SHB: variants seen among roughly 807,000 people sequenced by gnomAD.
SHB encodes the protein SH2 domain containing adaptor protein B, also known as SH2 domain-containing adapter protein B.
In SHB, 20 loss-of-function variants were observed where a neutral mutation model predicts 52.3. That is an observed-to-expected ratio of 0.38 (90% CI 0.27 to 0.56). SHB has a LOEUF of 0.56. Among genes scored for constraint, SHB ranks in the 20% least tolerant of loss-of-function variants. The pLI is 0.71. For missense variants in SHB, 825 were observed against 723.3 expected (o/e 1.14, Z -1.61); for synonymous variants, 397 against 316.5 (o/e 1.25, Z -2.70).
chr9:38,032,016 C>T (rs574079265), intron 1 of SHB, among the ~76,000 whole-genome samples: 9 of 152,204 alleles, frequency 5.9e-5, no homozygotes, highest in East Asian at 5.8e-4. Context: ...GACCTGGGAC[C>T]GGGCAGGACT....
chr9:38,003,908 G>A (rs1233426573), intron 2 of SHB, among the ~76,000 whole-genome samples: 1 of 152,230 alleles, frequency 6.6e-6, no homozygotes, highest in African/African-American at 2.4e-5. Context: ...TGTGTGGGGT[G>A]GTGAGGCTGT....
At chr9:38,023,837 C>T (rs887175064) in intron 1 of SHB, among the ~76,000 whole-genome samples, 1 of 152,136 alleles carries the variant, frequency 6.6e-6, no homozygotes, top group African/African-American at 2.4e-5. Context: ...CAGGCTGTTA[C>T]ACCACTCAGG....
In SHB at chr9:38,067,989, T is replaced by C. The variant is rs772129078; in HGVS notation, c.657A>G (p.Lys219=). The C allele has an allele frequency of 6.5e-7, 1 of 1,545,718 alleles. No individual in the cohort carries two copies. Among genetic ancestry groups the C allele is most frequent in the South Asian group, 1.2e-5 (1 of 84,356 alleles). ...TWSPTACGGK[K]LLNKCAASAA... ...CTGAGGCGGCGCACTTGTTGAGCAG[T>C]TTCTTGCCTCCGCAGGCCGTCGGGC... Residue 219 remains lysine, a synonymous_variant, in exon 1 of 6, where the codon AAA becomes AAG. Coordinates refer to ENST00000377707, the MANE Select transcript of SHB (RefSeq NM_003028.3).
At chr9:37,991,393 G>A (rs1820880265) in intron 2 of SHB, among the ~76,000 whole-genome samples, 1 of 152,194 alleles carries the variant, frequency 6.6e-6, no homozygotes, top group Non-Finnish European at 1.5e-5. Context: ...CCAGTGAAAT[G>A]GGCTTCTGCA....
At chr9:37,921,361 C>G (rs778050648) in intron 5 of SHB, among the ~76,000 whole-genome samples, 3 of 152,234 alleles carry the variant, frequency 2.0e-5, no homozygotes, top group African/African-American at 4.8e-5. Flanking sequence ...GAACACATCT[C>G]TTCCAGTCAG....
chr9:37,960,885 G>C (rs190045533), intron 3 of SHB, among the ~76,000 whole-genome samples: 15 of 152,312 alleles, frequency 9.8e-5, no homozygotes, highest in Admixed American at 4.6e-4. Flanking sequence ...CAAATAGCAG[G>C]GTGAGGGTCA....
chr9:37,917,513 G>A lies in SHB; in HGVS notation c.*2308C>T, dbSNP rs1370518729. ...CACCCAGCAGCCTCAGGAAGTGGCT[G>A]GACCTGAACTTGCCAGTGTGAGGTC... On this transcript the variant is annotated 3_prime_UTR_variant, in exon 6 of 6. Coordinates refer to ENST00000377707, the MANE Select transcript of SHB (RefSeq NM_003028.3). Among the ~76,000 whole-genome samples, 1 of 152,190 alleles carries A rather than the reference G, an allele frequency of 6.6e-6. No individual in the cohort carries two copies. Among genetic ancestry groups the A allele is most frequent in the Admixed American group, 6.5e-5 (1 of 15,280 alleles).
At chr9:38,050,866 AAG>A (rs1821729500) in intron 1 of SHB, among the ~76,000 whole-genome samples, 1 of 152,096 alleles carries the variant, frequency 6.6e-6, no homozygotes, top group Non-Finnish European at 1.5e-5. Context: ...TACAAAAAAA[AAG>A]AGAGATTTCT....
chr9:37,993,491 T>C (rs888597615), intron 2 of SHB, among the ~76,000 whole-genome samples: 2 of 152,180 alleles, frequency 1.3e-5, no homozygotes, highest in Non-Finnish European at 1.5e-5. Flanking sequence ...CACACCAACA[T>C]GGCACATGTA....
In SHB at chr9:37,974,812, C is replaced by T; in HGVS notation, c.864G>A (p.Arg288=). ...MTEFQRQESV[R]SQHKGIQLYD... ...ATAACTGGATACCTTTATGCTGGGA[C>T]CGGACACTTTCCTGCCTCTGAAATT... Residue 288 remains arginine (R), a synonymous_variant, in exon 3 of 6, where the codon CGG becomes CGA. Coordinates refer to ENST00000377707, the MANE Select transcript of SHB (RefSeq NM_003028.3). 5 of 1,614,060 alleles carry T rather than the reference C, an allele frequency of 3.1e-6. No individual in the cohort carries two copies. Among genetic ancestry groups the T allele is most frequent in the Non-Finnish European group, 4.2e-6 (5 of 1,179,964 alleles).
chr9:37,974,433 C>T (rs193187883), intron 3 of SHB, among the ~76,000 whole-genome samples, 189 bp downstream of exon 3: 52 of 152,258 alleles, frequency 3.4e-4, no homozygotes, highest in African/African-American at 1.1e-3. Flanking sequence ...AATTTCTCCT[C>T]GGCCTGGTTT....
chr9:38,068,618 T>C lies in SHB; in HGVS notation c.28A>G (p.Ser10Gly). The C allele has an allele frequency of 6.7e-7, 1 of 1,486,162 alleles. No individual in the cohort carries two copies. Among genetic ancestry groups the C allele is most frequent in the Non-Finnish European group, 8.9e-7 (1 of 1,128,480 alleles). 92.1% of individuals were successfully genotyped at this position (1,486,162 alleles called of 1,614,324 possible). A position where few individuals can be genotyped will look rare whatever the true frequency, so the allele number is the denominator to read the frequency against. The change falls in exon 1 of 6, where the codon AGC becomes GGC. Residue 10 changes from serine (S) to glycine (G), a missense_variant. By Grantham distance (56) the Ser-to-Gly change is moderately conservative. Coordinates refer to ENST00000377707, the MANE Select transcript of SHB (RefSeq NM_003028.3). ...CTCTTGGTCTTGCTGTTGCCCAAGC[T>C]GAAGTACTTGTTTAGCCACTTGGCC... is the stretch of plus-strand genomic sequence containing the variant. MAKWLNKYFSLGNSKTKSPP... is the reference protein window; with the variant it reads MAKWLNKYFGLGNSKTKSPP...
intron 5 of SHB, among the ~76,000 whole-genome samples, chr9:37,922,769 T>C (rs1465788211): frequency 6.6e-6 from 1 of 152,122 alleles, no homozygotes; most frequent in Non-Finnish European, 1.5e-5. Context: ...ACCCCGTGGG[T>C]TCCCTGGCCC....
chr9:38,052,381 C>T (rs2118169188), intron 1 of SHB, among the ~76,000 whole-genome samples: 1 of 152,344 alleles, frequency 6.6e-6, no homozygotes, highest in African/African-American at 2.4e-5. Flanking sequence ...GACCCCAGCA[C>T]ATGTTCCGTC....
chr9:37,982,947 C>T (rs1820754088), intron 2 of SHB, among the ~76,000 whole-genome samples: 1 of 150,566 alleles, frequency 6.6e-6, no homozygotes, highest in South Asian at 2.1e-4. Flanking sequence ...AAACTGAGGC[C>T]AAGGAAATCA....
In SHB at chr9:38,058,657, T is replaced by C. The variant is rs200659240; in HGVS notation, c.717+9272A>G. 3.0e-4 allele frequency among the ~76,000 whole-genome samples: 45 copies of C among 152,278 alleles called. 1 individual carries two copies. In the East Asian group the frequency reaches 7.2e-3, roughly 24 times the overall value. On this transcript the variant is annotated intron_variant, in intron 1 of 5. Coordinates refer to ENST00000377707, the MANE Select transcript of SHB (RefSeq NM_003028.3). ...TTAGCGAGGAAGGCCTCTTCAATGC[T>C]TGTGAGTTCCGACATCCTCTGCCCC...
At chr9:38,063,642 G>C (rs560285725) in intron 1 of SHB, among the ~76,000 whole-genome samples, 1 of 152,322 alleles carries the variant, frequency 6.6e-6, no homozygotes, top group South Asian at 2.1e-4. Context: ...TTGTGATATT[G>C]TCTCTCTGGT....
chr9:38,037,216 T>C (rs993892508), intron 1 of SHB, among the ~76,000 whole-genome samples: 2 of 152,194 alleles, frequency 1.3e-5, no homozygotes, highest in Non-Finnish European at 2.9e-5. Flanking sequence ...GAGAAAGAGA[T>C]GGCACACAGG....
intron 3 of SHB, among the ~76,000 whole-genome samples, chr9:37,970,760 G>C (rs1044546101): frequency 2.0e-5 from 3 of 151,736 alleles, no homozygotes; most frequent in African/African-American, 7.3e-5. Flanking sequence ...CCCAGTGATG[G>C]GAAGCTCATT....
Sources: gnomAD v4.1 joint callset for allele counts (sites outside exome capture counted in the v4.1 genomes callset) on GRCh38, gnomAD v4.1.1 for gene constraint, MANE v1.5 for transcripts, NCBI Gene and HGNC (gene_info 2026-07-23, HGNC 2026-07-21) for gene names.